CAMK2B: variants seen among roughly 807,000 people sequenced by gnomAD.
The protein encoded by CAMK2B is calcium/calmodulin dependent protein kinase II beta.
CAMK2B carries 27 observed loss-of-function variants against 93.7 expected under a neutral mutation model. That is an observed-to-expected ratio of 0.29 (90% CI 0.21 to 0.40). The LOEUF is 0.40. Among genes scored for constraint, CAMK2B ranks in the 10% least tolerant of loss-of-function variants. The probability of loss-of-function intolerance (pLI) is 1.00; values close to 1 mark genes in which losing one functional copy is unlikely to be tolerated. For missense variants in CAMK2B, 568 were observed against 895.8 expected (o/e 0.63, Z 4.67); for synonymous variants, 374 against 358.8 (o/e 1.04, Z -0.48).
rs1793581420 is a variant in CAMK2B, at chr7:44,311,638, C to A, written c.65+13719G>T. Among the ~76,000 whole-genome samples the A allele has an allele frequency of 6.6e-6, 1 of 152,176 alleles. No homozygotes were observed. The highest frequency in any genetic ancestry group is 1.5e-5 in the Non-Finnish European group (1 of 68,024). ...AGCCCCGGGTACCCAGAGGGGCTGT[C>A]CTGCCCCTGCGAGCACCACAGCCTG... On this transcript the variant is annotated intron_variant, in intron 1 of 23. Coordinates refer to ENST00000395749, the MANE Select transcript of CAMK2B (RefSeq NM_001220.5). This position sits in a 1 kb window ranked among gnomAD's most constrained non-coding sequence, Gnocchi z 4.2.
At chr7:44,264,171 T>G (rs1238053436) in intron 2 of CAMK2B, among the ~76,000 whole-genome samples, 1 of 152,104 alleles carries the variant, frequency 6.6e-6, no homozygotes, top group African/African-American at 2.4e-5. Context: ...CGGGGATGCC[T>G]CCTTCGCCAG....
Position 44,284,118 on chromosome 7 carries a change from C to A in CAMK2B, c.160+13G>T. 1 of 1,589,312 alleles carries A rather than the reference C, an allele frequency of 6.3e-7. No individual in the cohort carries two copies. The highest frequency in any genetic ancestry group is 2.2e-5 in the East Asian group (1 of 44,732). On this transcript the variant is annotated intron_variant, in intron 2 of 23. Transcript: ENST00000395749. ...CCTGACAGCAGCTGCGCAGGACACT[C>A]CCCATGCCCTACCTCTGGCTGACAG... is the stretch of plus-strand genomic sequence containing the variant.
chr7:44,280,105 T>C (rs1310946767), intron 2 of CAMK2B, among the ~76,000 whole-genome samples: 1 of 152,194 alleles, frequency 6.6e-6, no homozygotes, highest in East Asian at 1.9e-4. Context: ...AAGGGGTTCC[T>C]CTCTCCTCCT....
intron 1 of CAMK2B, among the ~76,000 whole-genome samples, chr7:44,294,590 G>A (rs982500566): frequency 2.6e-5 from 4 of 152,198 alleles, no homozygotes; most frequent in African/African-American, 9.7e-5. Context: ...AGATCTATGA[G>A]TCAACAGGCT....
At chr7:44,319,130 A>T (rs1216540105) in intron 1 of CAMK2B, among the ~76,000 whole-genome samples, 3 of 152,262 alleles carry the variant, frequency 2.0e-5, no homozygotes, top group African/African-American at 7.2e-5. Flanking sequence ...TTGCAGCTGT[A>T]AAAGATGCTT....
At chr7:44,309,994 C>T (rs1277081349) in intron 1 of CAMK2B, among the ~76,000 whole-genome samples, 1 of 152,176 alleles carries the variant, frequency 6.6e-6, no homozygotes, top group African/African-American at 2.4e-5. Flanking sequence ...GCCTTTCCGC[C>T]GGCTGAGCCG....
chr7:44,257,910 G>A (rs1562931699), intron 4 of CAMK2B, among the ~76,000 whole-genome samples: 1 of 152,368 alleles, frequency 6.6e-6, no homozygotes, highest in African/African-American at 2.4e-5. Flanking sequence ...CGGCCTGCAC[G>A]CTCACAGCAG....
chr7:44,277,617 C>T (rs575212588), intron 2 of CAMK2B, among the ~76,000 whole-genome samples: 1 of 152,290 alleles, frequency 6.6e-6, no homozygotes, highest in East Asian at 1.9e-4. Context: ...GAGGCCCCTC[C>T]ACTGGCGCTA....
At chr7:44,309,504 C>A (rs544531645) in intron 1 of CAMK2B, among the ~76,000 whole-genome samples, 1 of 152,198 alleles carries the variant, frequency 6.6e-6, no homozygotes, top group Non-Finnish European at 1.5e-5. Flanking sequence ...CACATCAGGT[C>A]CCCAGCTCCG....
At chr7:44,266,710 C>G (rs773801738) in intron 2 of CAMK2B, among the ~76,000 whole-genome samples, 3 of 152,194 alleles carry the variant, frequency 2.0e-5, no homozygotes, top group Non-Finnish European at 4.4e-5. Context: ...AGGGCCCCAT[C>G]AATGCCCCCA....
At chr7:44,263,817 C>T (rs2096901010) in intron 2 of CAMK2B, 1 of 154,216 alleles carries the variant, frequency 6.5e-6, no homozygotes, top group Non-Finnish European at 1.5e-5. Flanking sequence ...AGGGAGGACT[C>T]CATGCGCTGC....
At chr7:44,228,116 A>T (rs2096537548) in intron 19 of CAMK2B, among the ~76,000 whole-genome samples, 1 of 151,904 alleles carries the variant, frequency 6.6e-6, no homozygotes, top group Non-Finnish European at 1.5e-5. Flanking sequence ...CTGGCCAGCA[A>T]GAAGCTGTCA....
At chr7:44,221,868 A>G (rs2096411746) in intron 20 of CAMK2B, among the ~76,000 whole-genome samples, 1 of 152,234 alleles carries the variant, frequency 6.6e-6, no homozygotes, top group Admixed American at 6.5e-5. Flanking sequence ...AGAGAATAAT[A>G]GAACCCACAC....
At chr7:44,240,204 C>T (rs1210375327) in intron 12 of CAMK2B, among the ~76,000 whole-genome samples, 1 of 152,124 alleles carries the variant, frequency 6.6e-6, no homozygotes, top group East Asian at 1.9e-4. Context: ...TAACAGACCC[C>T]ACCCCCCTGC....
In CAMK2B at chr7:44,220,284, C is replaced by T. The variant is rs770868936; in HGVS notation, c.1779G>A (p.Lys593=). ...HRFYFENLLA[K]NSKPIHTTIL... Reference sequence around the variant, plus strand: ...TGGTCGTGTGGATCGGCTTGCTGTTCTTGGCCAGCACTGTGGACAGCAGGC... The same window carrying T: ...TGGTCGTGTGGATCGGCTTGCTGTTTTTGGCCAGCACTGTGGACAGCAGGC... Residue 593 remains lysine, a synonymous_variant, in exon 23 of 24, where the codon AAG becomes AAA. Transcript: ENST00000395749. The T allele has an allele frequency of 6.2e-7, 1 of 1,612,720 alleles. No individual in the cohort carries two copies. The highest frequency in any genetic ancestry group is 1.1e-5 in the South Asian group (1 of 91,010).
At chr7:44,309,473 C>A (rs1053400105) in intron 1 of CAMK2B, among the ~76,000 whole-genome samples, 2 of 152,292 alleles carry the variant, frequency 1.3e-5, no homozygotes, top group East Asian at 3.9e-4. Context: ...CCCTCCTGCA[C>A]GTCCAGGGGC....
chr7:44,254,122 T>C (rs892930274), intron 5 of CAMK2B, among the ~76,000 whole-genome samples: 2 of 152,080 alleles, frequency 1.3e-5, no homozygotes, highest in Non-Finnish European at 2.9e-5. Context: ...CCAGCTGACA[T>C]CTGCCATCCC....
At position 44,224,952 on chromosome 7, in the gene CAMK2B, T is replaced by G. The variant is rs2096457381; in HGVS notation, c.1597+1564A>C. The stretch of plus-strand genomic sequence containing the variant: ...GTTCCGGAACATCTCACCCACCCCT[T>G]TCCCAGCCCTGCCCAGCCCCTCCCA... On this transcript the variant is annotated intron_variant, in intron 20 of 23. Coordinates refer to ENST00000395749, the MANE Select transcript of CAMK2B (RefSeq NM_001220.5). This position sits in a 1 kb window ranked among gnomAD's most constrained non-coding sequence, Gnocchi z 4.4. Among the ~76,000 whole-genome samples, 1 of 151,778 alleles carries G rather than the reference T, an allele frequency of 6.6e-6. No homozygotes were observed. The highest frequency in any genetic ancestry group is 2.4e-5 in the African/African-American group (1 of 41,318).
intron 1 of CAMK2B, among the ~76,000 whole-genome samples, chr7:44,313,164 G>A (rs999456887): frequency 2.0e-5 from 3 of 152,078 alleles, no homozygotes; most frequent in African/African-American, 4.8e-5. Flanking sequence ...CCCACCTCCC[G>A]CTGCCTAGCT....
Sources: allele counts gnomAD v4.1 joint callset (sites outside exome capture counted in the v4.1 genomes callset), GRCh38; gene constraint gnomAD v4.1.1; non-coding constraint Gnocchi (gnomAD v3.1); transcripts MANE v1.5; gene names NCBI Gene and HGNC (gene_info 2026-07-23, HGNC 2026-07-21).